The following FBXW7 variants were observed in gnomAD, a reference collection of about 807,000 sequenced individuals.
The protein encoded by FBXW7 is F-box and WD repeat domain containing 7.
FBXW7 carries 11 observed loss-of-function variants against 86.3 expected under a neutral mutation model. That is an observed-to-expected ratio of 0.13 (90% CI 0.08 to 0.21). The LOEUF (loss-of-function observed/expected upper bound fraction) is 0.21. Ranked by LOEUF, FBXW7 falls within the 10% of genes least tolerant of loss-of-function variation. FBXW7 has a pLI of 1.00. For missense variants in FBXW7, 488 were observed against 847.4 expected, an observed-to-expected ratio of 0.58 and a Z score of 5.27; for synonymous variants, 313 against 297.9, an observed-to-expected ratio of 1.05 and a Z score of -0.52.
chr4:152,457,490 A>G (rs184273976), intron 2 of FBXW7, among the ~76,000 whole-genome samples: 58 of 152,094 alleles, frequency 3.8e-4, no homozygotes, highest in African/African-American at 1.4e-3. Context: ...AAAATACAAA[A>G]AAAATTAGCT....
At chr4:152,452,369 G>A (rs768794050) in intron 2 of FBXW7, among the ~76,000 whole-genome samples, 26 of 151,998 alleles carry the variant, frequency 1.7e-4, no homozygotes, top group Non-Finnish European at 2.9e-4. Flanking sequence ...ATACAGCGTT[G>A]GTCATTAAAA....
At chr4:152,515,681 A>T (rs1006384390) in intron 2 of FBXW7, among the ~76,000 whole-genome samples, 3 of 152,236 alleles carry the variant, frequency 2.0e-5, no homozygotes, top group African/African-American at 7.2e-5. Flanking sequence ...AAAAGAACAC[A>T]AACACAACAG....
intron 2 of FBXW7, among the ~76,000 whole-genome samples, chr4:152,485,430 A>G (rs1006692191): frequency 6.6e-5 from 10 of 152,216 alleles, no homozygotes; most frequent in African/African-American, 2.4e-4. Context: ...TGCTATAGTA[A>G]TTCCAATGTT....
intron 4 of FBXW7, among the ~76,000 whole-genome samples, chr4:152,388,005 G>A (rs1735688297): frequency 6.6e-6 from 1 of 152,058 alleles, no homozygotes; most frequent in African/African-American, 2.4e-5. Context: ...ACAGCGCCTG[G>A]TCAGGATATC....
At chr4:152,441,056 G>C (rs1229838073) in intron 2 of FBXW7, among the ~76,000 whole-genome samples, 1 of 151,756 alleles carries the variant, frequency 6.6e-6, no homozygotes, top group Non-Finnish European at 1.5e-5. Context: ...AATTTCCACT[G>C]TGATAAACAG....
chr4:152,528,416 C>A (rs1325672013), intron 2 of FBXW7, among the ~76,000 whole-genome samples: 1 of 152,166 alleles, frequency 6.6e-6, no homozygotes, highest in Non-Finnish European at 1.5e-5. Context: ...ACGTGCATGG[C>A]AGGATAATAC....
intron 7 of FBXW7, among the ~76,000 whole-genome samples, chr4:152,335,710 T>C (rs1390191581): frequency 6.6e-6 from 1 of 152,208 alleles, no homozygotes; most frequent in Non-Finnish European, 1.5e-5. Flanking sequence ...GACAACCACA[T>C]TGTACTTAAA....
chr4:152,375,170 A>G (rs959207359), intron 4 of FBXW7, among the ~76,000 whole-genome samples: 1 of 152,066 alleles, frequency 6.6e-6, no homozygotes, highest in African/African-American at 2.4e-5. Flanking sequence ...TGCTATAGGA[A>G]ACAGGCAAGT....
intron 2 of FBXW7, among the ~76,000 whole-genome samples, chr4:152,453,379 C>T (rs1236766277): frequency 3.3e-5 from 5 of 152,130 alleles, no homozygotes; most frequent in Admixed American, 3.3e-4. Context: ...CCAAACCCCA[C>T]GTCACCCCAT....
At position 152,324,265 on chromosome 4, in the gene FBXW7, T is replaced by G; in HGVS notation, c.1774A>C (p.Asn592His). Reference sequence around the variant, plus strand: ...TCTGCATTCCCAGAGACAAGAATATTGTCTTTGAGTTCCATTCCACTTGTT... The same window carrying G: ...TCTGCATTCCCAGAGACAAGAATATGGTCTTTGAGTTCCATTCCACTTGTT... ...SLTSGMELKD[N>H]ILVSGNADST... The change falls in exon 13 of 14, where the codon AAT (asparagine) becomes CAT (histidine). Residue 592 changes from asparagine to histidine, a missense_variant. Physicochemically the swap from Asn to His is moderately conservative, Grantham distance 68. Transcript: ENST00000281708. The G allele has an allele frequency of 6.2e-7, 1 of 1,613,250 alleles. No homozygotes were observed. Among genetic ancestry groups the G allele is most frequent in the East Asian group, 2.2e-5 (1 of 44,810 alleles).
chr4:152,371,981 A>G (rs1471587111), intron 4 of FBXW7, among the ~76,000 whole-genome samples: 4 of 151,976 alleles, frequency 2.6e-5, no homozygotes, highest in African/African-American at 7.2e-5. Flanking sequence ...TGCATACTAT[A>G]TATCAGCAGA....
At chr4:152,326,324 G>A (rs1729012427) in intron 11 of FBXW7, 93 bp from the exon 12 acceptor site, 11 of 834,472 alleles carry the variant, frequency 1.3e-5, no homozygotes, top group South Asian at 3.8e-5. Context: ...ATTTAGTCAA[G>A]GTTTTTTAGC....
At chr4:152,482,545 G>C (rs1016361450) in intron 2 of FBXW7, among the ~76,000 whole-genome samples, 6 of 152,018 alleles carry the variant, frequency 3.9e-5, no homozygotes, top group Non-Finnish European at 8.8e-5. Context: ...GGCTTGCTGT[G>C]TGTTTTCCTA....
intron 2 of FBXW7, among the ~76,000 whole-genome samples, chr4:152,466,834 C>T (rs1055762597): frequency 3.3e-5 from 5 of 151,876 alleles, no homozygotes; most frequent in South Asian, 4.1e-4. Context: ...CCCAGCTACT[C>T]GGGAGGCTGA....
intron 4 of FBXW7, among the ~76,000 whole-genome samples, chr4:152,364,698 T>G (rs1286724165): frequency 6.6e-6 from 1 of 152,172 alleles, no homozygotes. Context: ...CTTCATTACA[T>G]AAGGCCTTTT....
At chr4:152,403,352 C>T (rs1168494772) in intron 4 of FBXW7, among the ~76,000 whole-genome samples, 1 of 152,028 alleles carries the variant, frequency 6.6e-6, no homozygotes, top group South Asian at 2.1e-4. Flanking sequence ...GTGGCAAACA[C>T]CTGTAATCCC....
In FBXW7 at chr4:152,463,290, C is replaced by CA. The variant is rs926300898; in HGVS notation, c.-119-50762dup. ...GGCGACACAGTGAGACTTTCTGTCTCAAAAAAAAAAAGAATGTTTTCTGTG... is the reference window on the plus strand; with the variant it reads ...GGCGACACAGTGAGACTTTCTGTCTCAAAAAAAAAAAAGAATGTTTTCTGTG... On this transcript the variant is annotated intron_variant, in intron 2 of 13. Transcript: ENST00000281708. Among the ~76,000 whole-genome samples the CA allele has an allele frequency of 1.2e-3, 174 of 140,776 alleles. 1 individual carries two copies. The highest frequency in any genetic ancestry group is 1.9e-3 in the Admixed American group (26 of 14,022). The allele number at this position is 140,776 out of a possible 152,430, so 92.4% of individuals were successfully genotyped here.
intron 4 of FBXW7, among the ~76,000 whole-genome samples, chr4:152,398,624 C>T (rs1282269377): frequency 6.6e-6 from 1 of 151,936 alleles, no homozygotes; most frequent in East Asian, 1.9e-4. Context: ...GTCGTGTCTA[C>T]GAACTAAGTA....
chr4:152,482,659 T>C (rs935147278), intron 2 of FBXW7, among the ~76,000 whole-genome samples: 3 of 152,190 alleles, frequency 2.0e-5, no homozygotes, highest in East Asian at 3.8e-4. Flanking sequence ...AGATTGTCCA[T>C]GCTTCTTATA....
Sources: allele counts gnomAD v4.1 joint callset (sites outside exome capture counted in the v4.1 genomes callset), GRCh38; gene constraint gnomAD v4.1.1; transcripts MANE v1.5; gene names NCBI Gene and HGNC (gene_info 2026-07-23, HGNC 2026-07-21).